LRP1B: variants seen among roughly 807,000 people sequenced by gnomAD.
The protein encoded by LRP1B is LDL receptor related protein 1B.
LRP1B carries 217 observed loss-of-function variants against 556.6 expected under a neutral mutation model. The ratio of observed to expected loss-of-function variants is 0.39; its 90% CI spans 0.35 to 0.44. The LOEUF (loss-of-function observed/expected upper bound fraction) is 0.44, where lower values mean the gene tolerates loss of function less well. LRP1B is among the 20% of genes least tolerant of loss of function. The pLI, the probability that LRP1B is intolerant of heterozygous loss-of-function variation, is 1.00. For synonymous variants in LRP1B, 2,047 were observed against 1,865.8 expected (o/e 1.10, Z -2.50); for missense variants, 5,053 against 5,620.8 (o/e 0.90, Z 3.23).
chr2:140,991,931 T>C (rs141968273), intron 16 of LRP1B, among the ~76,000 whole-genome samples: 62 of 152,182 alleles, frequency 4.1e-4, no homozygotes, highest in African/African-American at 1.4e-3. Flanking sequence ...GCAGGAAGTA[T>C]TGTATATGTG....
At chr2:142,037,908 C>T (rs1703940803) in intron 1 of LRP1B, among the ~76,000 whole-genome samples, 1 of 151,372 alleles carries the variant, frequency 6.6e-6, no homozygotes. Context: ...CCTGTTAGCT[C>T]CTCTGAAGCT....
intron 7 of LRP1B, among the ~76,000 whole-genome samples, chr2:141,159,908 T>C (rs1214602405): frequency 2.6e-5 from 4 of 151,934 alleles, no homozygotes; most frequent in South Asian, 2.1e-4. Flanking sequence ...AACCAAACAC[T>C]GCATGTTCTC....
At chr2:140,618,624 C>T (rs1165163998) in intron 41 of LRP1B, among the ~76,000 whole-genome samples, 8 of 151,986 alleles carry the variant, frequency 5.3e-5, no homozygotes, top group Non-Finnish European at 2.9e-5. Context: ...AACATAAGAA[C>T]AAAAATCTGT....
At chr2:141,381,713 GGC>G (rs1689649669) in intron 3 of LRP1B, among the ~76,000 whole-genome samples, 1 of 152,060 alleles carries the variant, frequency 6.6e-6, no homozygotes, top group Non-Finnish European at 1.5e-5. Flanking sequence ...AAACCTTCTT[GGC>G]CTGAAGGGAG....
At chr2:141,448,529 C>T (rs542616793) in intron 3 of LRP1B, among the ~76,000 whole-genome samples, 17 of 152,274 alleles carry the variant, frequency 1.1e-4, no homozygotes, top group African/African-American at 4.1e-4. Flanking sequence ...TGCTTGAAAC[C>T]CAGGGCCTTG....
intron 7 of LRP1B, among the ~76,000 whole-genome samples, chr2:141,187,706 A>G (rs1340476173): frequency 6.6e-6 from 1 of 152,010 alleles, no homozygotes; most frequent in Non-Finnish European, 1.5e-5. Context: ...ATATGAACAA[A>G]GATGATGGGA....
In LRP1B at chr2:142,111,631, G is replaced by A. The variant is rs1479836807; in HGVS notation, c.82+19017C>T. On this transcript the variant is annotated intron_variant, in intron 1 of 90. Coordinates refer to ENST00000389484, the MANE Select transcript of LRP1B (RefSeq NM_018557.3). ...CTCCATTTAAATCATACCACATGGT[G>A]GCATATTAAACAACCAAACAAGCAA... 2.6e-5 allele frequency among the ~76,000 whole-genome samples: 4 copies of A among 152,154 alleles called. No homozygotes were observed. In the South Asian group the frequency reaches 8.3e-4, roughly 32 times the overall value.
Position 140,697,932 on chromosome 2 carries a change from A to G in LRP1B, c.6799+2318T>C, listed in dbSNP as rs201171610. ...AAAAATGGGTAAAATCTCAAATGTTATTTTATATATGTGGATATACATGTA... is the reference window on the plus strand; with the variant it reads ...AAAAATGGGTAAAATCTCAAATGTTGTTTTATATATGTGGATATACATGTA... On this transcript the variant is annotated intron_variant, in intron 41 of 90. Coordinates refer to ENST00000389484, the MANE Select transcript of LRP1B (RefSeq NM_018557.3). 7.9e-5 allele frequency among the ~76,000 whole-genome samples: 12 copies of G among 152,118 alleles called. No individual in the cohort carries two copies. The East Asian group carries it at 2.1e-3, about 27-fold the overall frequency.
intron 1 of LRP1B, among the ~76,000 whole-genome samples, chr2:142,050,498 G>C (rs573084318): frequency 2.6e-5 from 4 of 152,186 alleles, no homozygotes; most frequent in African/African-American, 9.6e-5. Context: ...ATAAGTGTTA[G>C]GGTGAAATAT....
At chr2:141,229,570 A>T (rs367966433) in intron 5 of LRP1B, 130 bp from the exon 6 acceptor site, 9 of 706,466 alleles carry the variant, frequency 1.3e-5, no homozygotes, top group Non-Finnish European at 1.8e-5. Context: ...TTATAAAAAA[A>T]CTTTCTATAA....
intron 3 of LRP1B, among the ~76,000 whole-genome samples, chr2:141,410,903 T>C (rs1690826719): frequency 2.0e-5 from 3 of 152,054 alleles, no homozygotes; most frequent in Admixed American, 1.3e-4. Flanking sequence ...TCAATTTGGG[T>C]ATGGTGCTCC....
At chr2:141,880,561 T>C (rs747054585) in intron 1 of LRP1B, among the ~76,000 whole-genome samples, 15 of 151,998 alleles carry the variant, frequency 9.9e-5, no homozygotes, top group African/African-American at 1.4e-4. Context: ...AATTAGACAA[T>C]AGTGAAATGA....
intron 7 of LRP1B, among the ~76,000 whole-genome samples, chr2:141,181,000 T>C (rs1373530108): frequency 1.3e-5 from 2 of 152,004 alleles, no homozygotes; most frequent in Non-Finnish European, 2.9e-5. Context: ...CTGATTTTTC[T>C]TTCTTAACAT....
chr2:140,763,015 G>T (rs1573682671), intron 35 of LRP1B, among the ~76,000 whole-genome samples: 1 of 151,992 alleles, frequency 6.6e-6, no homozygotes, highest in Admixed American at 6.6e-5. Flanking sequence ...TGGGTTTCTG[G>T]AAATAAACAG....
At chr2:140,397,691 A>G (rs906176233) in intron 66 of LRP1B, among the ~76,000 whole-genome samples, 1 of 152,188 alleles carries the variant, frequency 6.6e-6, no homozygotes, top group Non-Finnish European at 1.5e-5. Context: ...TTTCTCTTGT[A>G]GATATACCTT....
intron 23 of LRP1B, among the ~76,000 whole-genome samples, chr2:140,893,308 T>C (rs1160695867): frequency 2.0e-5 from 3 of 152,230 alleles, no homozygotes; most frequent in African/African-American, 7.2e-5. Context: ...ATATAAAATA[T>C]TTTGATTCAA....
At chr2:140,386,083 G>A in intron 66 of LRP1B, 74 bp from the exon 67 acceptor site, 2 of 871,716 alleles carry the variant, frequency 2.3e-6, no homozygotes, top group Non-Finnish European at 3.7e-6. Flanking sequence ...TCACTGCCAT[G>A]CCAAATCCAT....
At chr2:140,282,138 T>G (rs565154658) in intron 84 of LRP1B, among the ~76,000 whole-genome samples, 93 of 151,940 alleles carry the variant, frequency 6.1e-4, no homozygotes, top group African/African-American at 2.2e-3. Flanking sequence ...GCAGTTACAT[T>G]AAATCATGCC....
At chr2:140,902,301 T>A (rs1321080047) in intron 23 of LRP1B, among the ~76,000 whole-genome samples, 1 of 152,030 alleles carries the variant, frequency 6.6e-6, no homozygotes, top group Admixed American at 6.6e-5. Context: ...TTCACGCTAC[T>A]CTTACAACAT....
Sources: gnomAD v4.1 joint callset for allele counts (sites outside exome capture counted in the v4.1 genomes callset) on GRCh38, gnomAD v4.1.1 for gene constraint, MANE v1.5 for transcripts, NCBI Gene and HGNC (gene_info 2026-07-23, HGNC 2026-07-21) for gene names.